Variants in PARM1 observed in about 807,000 individuals in gnomAD.
PARM1 encodes WSC4, cell wall integrity and stress response component 4 homolog.
A neutral mutation model predicts 24.6 loss-of-function variants in PARM1; 14 were observed. That is an observed-to-expected ratio of 0.57 (90% CI 0.38 to 0.89). PARM1 has a LOEUF of 0.89. Among genes scored for constraint, PARM1 ranks in the 40% least tolerant of loss-of-function variants. The pLI, the probability that PARM1 is intolerant of heterozygous loss-of-function variation, is 0.00. For synonymous variants in PARM1, 179 were observed against 156.6 expected (o/e 1.14, Z -1.07); for missense variants, 362 against 380.4 (o/e 0.95, Z 0.40).
intron 1 of PARM1, among the ~76,000 whole-genome samples, chr4:74,946,219 C>T (rs905898467): frequency 2.0e-5 from 3 of 152,166 alleles, no homozygotes; most frequent in Non-Finnish European, 4.4e-5. Flanking sequence ...CTGGACTAGA[C>T]GTTGAACCCA....
intron 1 of PARM1, among the ~76,000 whole-genome samples, chr4:74,947,536 C>T (rs1721434194): frequency 6.6e-6 from 1 of 152,108 alleles, no homozygotes; most frequent in African/African-American, 2.4e-5. Context: ...AATTTTAACA[C>T]TGACTAGATA....
intron 1 of PARM1, among the ~76,000 whole-genome samples, chr4:75,010,142 T>A (rs1304405757): frequency 6.6e-6 from 1 of 152,204 alleles, no homozygotes; most frequent in Non-Finnish European, 1.5e-5. Flanking sequence ...CAAAATGTGA[T>A]ACATACATAC....
intron 2 of PARM1, among the ~76,000 whole-genome samples, chr4:75,026,374 T>C (rs897551837): frequency 6.6e-6 from 1 of 152,224 alleles, no homozygotes. Flanking sequence ...TATCTATGTC[T>C]TATATGTATA....
At chr4:74,943,310 G>A (rs1250432863) in intron 1 of PARM1, among the ~76,000 whole-genome samples, 1 of 152,122 alleles carries the variant, frequency 6.6e-6, no homozygotes, top group East Asian at 1.9e-4. Flanking sequence ...ATCCCACTGT[G>A]TTAGAATTCT....
chr4:75,047,424 GTA>G lies in PARM1; in HGVS notation c.*1180_*1181del, dbSNP rs1363559752. 18 of 152,168 alleles carry G rather than the reference GTA, an allele frequency of 1.2e-4. No individual in the cohort carries two copies. Among genetic ancestry groups the G allele is most frequent in the Admixed American group, 5.9e-4 (9 of 15,280 alleles). The allele number at this position is 152,168 out of a possible 1,614,324, so 9.4% of individuals were successfully genotyped here. A position where few individuals can be genotyped will look rare whatever the true frequency, so the allele number is the denominator to read the frequency against. On this transcript the variant is annotated 3_prime_UTR_variant, in exon 4 of 4. Coordinates refer to ENST00000307428, the MANE Select transcript of PARM1 (RefSeq NM_015393.4). Reference sequence around the variant, plus strand: ...TGCTTTAATAAATGAGCAACCCTGGGTATAGTCTTAAAATTCTGCACAATAAA... The same window carrying G: ...TGCTTTAATAAATGAGCAACCCTGGGTAGTCTTAAAATTCTGCACAATAAA...
intron 1 of PARM1, among the ~76,000 whole-genome samples, chr4:74,937,393 G>GAA (rs1310434169): frequency 2.0e-5 from 3 of 152,166 alleles, no homozygotes; most frequent in African/African-American, 7.2e-5. Flanking sequence ...GAAGGTGGAT[G>GAA]AACACTCTCT....
At chr4:74,965,484 C>T (rs1049484806) in intron 1 of PARM1, 1 of 152,164 alleles carries the variant, frequency 6.6e-6, no homozygotes, top group Non-Finnish European at 1.5e-5. Context: ...AACTTGTGCT[C>T]TGTTATATGT....
chr4:74,968,263 T>G (rs1192336288), intron 1 of PARM1, among the ~76,000 whole-genome samples: 1 of 152,150 alleles, frequency 6.6e-6, no homozygotes. Context: ...TTCCCCAACT[T>G]CTACAAATAA....
At chr4:75,037,891 A>G (rs2109812168) in intron 3 of PARM1, among the ~76,000 whole-genome samples, 2 of 152,352 alleles carry the variant, frequency 1.3e-5, no homozygotes, top group South Asian at 2.1e-4. Flanking sequence ...AGAGACTAGC[A>G]TGGTGACTAA....
intron 1 of PARM1, among the ~76,000 whole-genome samples, chr4:74,955,304 T>C (rs894094047): frequency 1.3e-5 from 2 of 152,220 alleles, no homozygotes; most frequent in Admixed American, 1.3e-4. Context: ...ATACCTCCAG[T>C]TGTCATCTGT....
At chr4:75,036,927 G>T (rs1161766357) in intron 3 of PARM1, among the ~76,000 whole-genome samples, 1 of 152,140 alleles carries the variant, frequency 6.6e-6, no homozygotes, top group African/African-American at 2.4e-5. Flanking sequence ...ACAGTTATTA[G>T]ACCCTTAAGG....
intron 1 of PARM1, among the ~76,000 whole-genome samples, chr4:74,950,842 A>AT (rs1409270811): frequency 0.035 from 4,883 of 139,960 alleles, 231 homozygotes; most frequent in African/African-American, 0.11. Flanking sequence ...TTGGAGGGGG[A>AT]TTTTTTTTTT....
chr4:75,001,611 T>C (rs965563849), intron 1 of PARM1, among the ~76,000 whole-genome samples: 1 of 152,222 alleles, frequency 6.6e-6, no homozygotes, highest in Non-Finnish European at 1.5e-5. Flanking sequence ...TTTTACTGCA[T>C]GCAAGTTGTA....
At chr4:75,037,770 A>G (rs1723400629) in intron 3 of PARM1, among the ~76,000 whole-genome samples, 1 of 152,202 alleles carries the variant, frequency 6.6e-6, no homozygotes, top group Admixed American at 6.5e-5. Context: ...TGGGCAAATT[A>G]TTAACTCCTT....
chr4:74,940,985 AG>A (rs1018368093), intron 1 of PARM1, among the ~76,000 whole-genome samples: 21 of 152,214 alleles, frequency 1.4e-4, no homozygotes, highest in African/African-American at 5.1e-4. Flanking sequence ...TGTTCACCAG[AG>A]GGTCCTAAAG....
chr4:74,995,004 A>G (rs1012877806), intron 1 of PARM1, among the ~76,000 whole-genome samples: 1 of 152,118 alleles, frequency 6.6e-6, no homozygotes, highest in African/African-American at 2.4e-5. Flanking sequence ...ATGTAAGTGC[A>G]TGCATCATAG....
intron 1 of PARM1, among the ~76,000 whole-genome samples, chr4:75,009,389 C>T (rs1341595967): frequency 6.6e-6 from 1 of 152,184 alleles, no homozygotes; most frequent in African/African-American, 2.4e-5. Flanking sequence ...GTCTTTTCTC[C>T]CTTCCTCTGA....
intron 1 of PARM1, chr4:74,967,306 GCAGTATCT>G (rs2109992770): frequency 6.6e-6 from 1 of 152,308 alleles, no homozygotes; most frequent in Admixed American, 6.5e-5. Flanking sequence ...AATTCCTGGA[GCAGTATCT>G]CTCCATGTAA....
chr4:74,954,538 A>T (rs1560774361), intron 1 of PARM1, among the ~76,000 whole-genome samples: 2 of 152,244 alleles, frequency 1.3e-5, no homozygotes, highest in Non-Finnish European at 2.9e-5. Context: ...AATTATGGAC[A>T]TAGCAAAGTA....
Sources: allele counts gnomAD v4.1 joint callset (sites outside exome capture counted in the v4.1 genomes callset), GRCh38; gene constraint gnomAD v4.1.1; transcripts MANE v1.5; gene names NCBI Gene and HGNC (gene_info 2026-07-23, HGNC 2026-07-21).